Variants in TGFBR3 observed in about 807,000 individuals in gnomAD.
The protein encoded by TGFBR3 is transforming growth factor beta receptor type 3.
TGFBR3 carries 46 observed loss-of-function variants against 87.9 expected under a neutral mutation model. The observed-to-expected ratio is 0.52, with a 90% CI of 0.41 to 0.67. The LOEUF (loss-of-function observed/expected upper bound fraction) is 0.67. Among genes scored for constraint, TGFBR3 ranks in the 30% least tolerant of loss-of-function variants. The pLI is 0.00. For missense variants in TGFBR3, 866 were observed against 1,041.9 expected (o/e 0.83, Z 2.32); for synonymous variants, 381 against 391.6 (o/e 0.97, Z 0.32).
intron 2 of TGFBR3, among the ~76,000 whole-genome samples, chr1:91,820,094 A>G (rs952482539): frequency 2.6e-5 from 4 of 152,246 alleles, no homozygotes; most frequent in African/African-American, 9.6e-5. Context: ...CCTTTTACCT[A>G]TGAGCAATCA....
At chr1:91,801,950 T>A (rs557898727) in intron 2 of TGFBR3, among the ~76,000 whole-genome samples, 4 of 152,194 alleles carry the variant, frequency 2.6e-5, no homozygotes, top group African/African-American at 7.2e-5. Flanking sequence ...AATGTACAAG[T>A]GAAAAAAATT....
At chr1:91,883,045 T>C (rs942590694) in intron 1 of TGFBR3, among the ~76,000 whole-genome samples, 1 of 152,216 alleles carries the variant, frequency 6.6e-6, no homozygotes, top group East Asian at 1.9e-4. Context: ...AAATTCATTA[T>C]ATTCAGTTTT....
intron 16 of TGFBR3, among the ~76,000 whole-genome samples, chr1:91,684,493 T>A (rs1461518710): frequency 6.6e-6 from 1 of 152,222 alleles, no homozygotes; most frequent in African/African-American, 2.4e-5. Context: ...GGGACTGCAG[T>A]TGCCAGCGAA....
At chr1:91,748,729 T>G (rs1284780838) in intron 4 of TGFBR3, among the ~76,000 whole-genome samples, 3 of 106,870 alleles carry the variant, frequency 2.8e-5, no homozygotes, top group Non-Finnish European at 6.4e-5. Flanking sequence ...AAAGTATTAT[T>G]ATTATTATTA....
chr1:91,783,660 A>C (rs918045435), intron 3 of TGFBR3, among the ~76,000 whole-genome samples: 3 of 152,222 alleles, frequency 2.0e-5, no homozygotes, highest in Non-Finnish European at 4.4e-5. Flanking sequence ...AAATCCAATG[A>C]CCAGCAACTT....
intron 4 of TGFBR3, among the ~76,000 whole-genome samples, chr1:91,746,895 G>A (rs754194602): frequency 1.4e-4 from 22 of 152,220 alleles, no homozygotes; most frequent in Admixed American, 3.3e-4. Flanking sequence ...CTATTCCATC[G>A]CTGTGGAAGA....
At chr1:91,874,890 G>A (rs1678723020) in intron 1 of TGFBR3, among the ~76,000 whole-genome samples, 1 of 152,208 alleles carries the variant, frequency 6.6e-6, no homozygotes, top group African/African-American at 2.4e-5. Context: ...GGGGCAAGAA[G>A]AGAAACACTG....
Position 91,800,253 on chromosome 1 carries a change from TATACAC to T in TGFBR3, c.62-2788_62-2783del, listed in dbSNP as rs1192295670. On this transcript the variant is annotated intron_variant, in intron 2 of 16. Coordinates refer to ENST00000212355, the MANE Select transcript of TGFBR3 (RefSeq NM_003243.5). The stretch of plus-strand genomic sequence containing the variant: ...CAAAAAAAAAAAAAATATATATATA[TATACAC>T]ACACACACACACACACACACTCACG... Among the ~76,000 whole-genome samples, 258 of 132,318 alleles carry T rather than the reference TATACAC, an allele frequency of 1.9e-3. 1 individual carries two copies. The South Asian group carries it at 0.021, about 11-fold the overall frequency. The allele number at this position is 132,318 out of a possible 152,430, so 86.8% of individuals were successfully genotyped here.
intron 4 of TGFBR3, among the ~76,000 whole-genome samples, chr1:91,737,348 T>C (rs1673000925): frequency 1.3e-5 from 2 of 152,132 alleles, no homozygotes; most frequent in South Asian, 4.1e-4. Context: ...AGGTGTTGTT[T>C]TAGAAGGTAT....
chr1:91,773,636 C>A (rs778348078), intron 3 of TGFBR3, among the ~76,000 whole-genome samples: 1 of 152,162 alleles, frequency 6.6e-6, no homozygotes, highest in African/African-American at 2.4e-5. Context: ...GAGCCGAGAT[C>A]GCGCCACTGC....
intron 2 of TGFBR3, among the ~76,000 whole-genome samples, chr1:91,849,168 C>A (rs1245127502): frequency 6.6e-6 from 1 of 152,160 alleles, no homozygotes; most frequent in Non-Finnish European, 1.5e-5. Flanking sequence ...CACCTTTGCC[C>A]AACAGCCTAT....
At chr1:91,839,931 G>A (rs1466505981) in intron 2 of TGFBR3, among the ~76,000 whole-genome samples, 1 of 152,162 alleles carries the variant, frequency 6.6e-6, no homozygotes, top group Non-Finnish European at 1.5e-5. Context: ...AGGTAAAGCT[G>A]AGTGATAAGC....
intron 5 of TGFBR3, among the ~76,000 whole-genome samples, chr1:91,733,658 G>C (rs1672852044): frequency 6.6e-6 from 1 of 152,186 alleles, no homozygotes; most frequent in Non-Finnish European, 1.5e-5. Context: ...CAATCAGCCA[G>C]CTATAACAAG....
chr1:91,781,592 C>A (rs1317432359), intron 3 of TGFBR3, among the ~76,000 whole-genome samples: 1 of 152,000 alleles, frequency 6.6e-6, no homozygotes, highest in East Asian at 1.9e-4. Context: ...AAATAGGAAA[C>A]ATATGTAGGA....
At chr1:91,724,204 T>C (rs946376261) in intron 7 of TGFBR3, among the ~76,000 whole-genome samples, 1 of 152,058 alleles carries the variant, frequency 6.6e-6, no homozygotes, top group African/African-American at 2.4e-5. Context: ...AAAAACTCCT[T>C]AGGGTAAAGA....
rs373734396 is a variant in TGFBR3, at chr1:91,701,587, C to G, written c.2288-3457G>C. On this transcript the variant is annotated intron_variant, in intron 14 of 16. Transcript: ENST00000212355. The stretch of plus-strand genomic sequence containing the variant: ...TCATATACGCTGAGCAAATTTTGGT[C>G]TACCTCTAGAACCAAAATTCCCCTC... 3.3e-5 allele frequency among the ~76,000 whole-genome samples: 5 copies of G among 152,290 alleles called. No homozygotes were observed. In the South Asian group the frequency reaches 6.2e-4, roughly 19 times the overall value.
At chr1:91,740,343 G>A (rs933917508) in intron 4 of TGFBR3, among the ~76,000 whole-genome samples, 2 of 150,000 alleles carry the variant, frequency 1.3e-5, no homozygotes, top group Admixed American at 6.7e-5. Flanking sequence ...ACAGGTGTAA[G>A]CCACCACACC....
Position 91,716,323 on chromosome 1 carries a change from G to T in TGFBR3, c.1779C>A (p.Phe593Leu). 1 of 1,614,170 alleles carries T rather than the reference G, an allele frequency of 6.2e-7. No individual in the cohort carries two copies. The highest frequency in any genetic ancestry group is 8.5e-7 in the Non-Finnish European group (1 of 1,180,028). The change falls in exon 12 of 17, where the codon TTC becomes TTA. Residue 593 changes from phenylalanine to leucine, a missense_variant. Transcript: ENST00000212355. ...GGTCAGTGTTGTATAGCTCCATGTT[G>T]AAGGTGATGTTTCCGTGGGGCTGTT... ...FQEQPHGNIT[F>L]NMELYNTDLF...
chr1:91,846,725 A>C (rs941594826), intron 2 of TGFBR3, among the ~76,000 whole-genome samples: 3 of 152,080 alleles, frequency 2.0e-5, no homozygotes, highest in African/African-American at 7.2e-5. Flanking sequence ...TTTTTTTACT[A>C]TATCTTAAAA....
Sources: gnomAD v4.1 joint callset for allele counts (sites outside exome capture counted in the v4.1 genomes callset) on GRCh38, gnomAD v4.1.1 for gene constraint, MANE v1.5 for transcripts, NCBI Gene and HGNC (gene_info 2026-07-23, HGNC 2026-07-21) for gene names.